Variants in PDE10A observed in about 807,000 individuals in gnomAD.
The protein encoded by PDE10A is cAMP and cAMP-inhibited cGMP 3',5'-cyclic phosphodiesterase 10A.
A neutral mutation model predicts 97.7 loss-of-function variants in PDE10A; 39 were observed. That is an observed-to-expected ratio of 0.40 (90% CI 0.31 to 0.52). The LOEUF (loss-of-function observed/expected upper bound fraction) is 0.52. Among genes scored for constraint, PDE10A ranks in the 20% least tolerant of loss-of-function variants. The pLI, the probability that PDE10A is intolerant of heterozygous loss-of-function variation, is 0.56. For missense variants in PDE10A, 731 were observed against 1,047.8 expected, an observed-to-expected ratio of 0.70 and a Z score of 4.17; for synonymous variants, 371 against 376.8, an observed-to-expected ratio of 0.98 and a Z score of 0.18.
chr6:165,429,595 C>T (rs1014729432), intron 9 of PDE10A, among the ~76,000 whole-genome samples: 6 of 151,986 alleles, frequency 3.9e-5, no homozygotes, highest in Non-Finnish European at 7.4e-5. Flanking sequence ...CTGGAGGCCA[C>T]AGAGGAAAAA....
intron 1 of PDE10A, among the ~76,000 whole-genome samples, chr6:165,727,104 A>G (rs778184558): frequency 4.6e-5 from 7 of 152,030 alleles, no homozygotes; most frequent in Non-Finnish European, 1.0e-4. Flanking sequence ...CTGGTTCCCC[A>G]CTGTGCGTTT....
chr6:165,629,116 A>C (rs1341862392), intron 1 of PDE10A, among the ~76,000 whole-genome samples: 4 of 152,182 alleles, frequency 2.6e-5, no homozygotes, highest in Admixed American at 6.5e-5. Flanking sequence ...TAAGAGTTGA[A>C]GAAAAACTTT....
At chr6:165,831,635 C>T (rs1481203068) in intron 1 of PDE10A, among the ~76,000 whole-genome samples, 4 of 151,634 alleles carry the variant, frequency 2.6e-5, no homozygotes, top group South Asian at 2.1e-4. Context: ...CAGGCGCCCG[C>T]CACCACGCCC....
chr6:165,583,988 C>A (rs1156325908), intron 1 of PDE10A, among the ~76,000 whole-genome samples: 1 of 152,152 alleles, frequency 6.6e-6, no homozygotes, highest in African/African-American at 2.4e-5. Context: ...AGACTGCCAC[C>A]CAGTCACTTT....
chr6:165,861,716 T>G (rs968200621), intron 1 of PDE10A, among the ~76,000 whole-genome samples: 2 of 151,920 alleles, frequency 1.3e-5, no homozygotes, highest in African/African-American at 4.8e-5. Context: ...AGTGACGGGT[T>G]GGCATGGGAG....
chr6:165,861,450 T>C (rs1179311056), intron 1 of PDE10A, among the ~76,000 whole-genome samples: 2 of 151,414 alleles, frequency 1.3e-5, no homozygotes, highest in East Asian at 3.9e-4. Context: ...TGCTGTCAGG[T>C]GCTGGAGGAG....
chr6:165,618,556 C>T (rs987915724), intron 1 of PDE10A, among the ~76,000 whole-genome samples: 4 of 152,110 alleles, frequency 2.6e-5, no homozygotes, highest in South Asian at 2.1e-4. Context: ...CATCCAGGAG[C>T]GGGACTTAAC....
chr6:165,577,023 T>C (rs950919633), intron 1 of PDE10A, among the ~76,000 whole-genome samples: 8 of 152,252 alleles, frequency 5.3e-5, no homozygotes, highest in Admixed American at 3.9e-4. Flanking sequence ...AGAGCTGATC[T>C]TGCCACCATC....
intron 1 of PDE10A, among the ~76,000 whole-genome samples, chr6:165,895,806 C>T (rs1330244531): frequency 1.3e-5 from 2 of 152,192 alleles, no homozygotes; most frequent in African/African-American, 4.8e-5. Context: ...TCAGTACTTT[C>T]ATTCCGGGCT....
chr6:165,542,214 T>C (rs1034690487), intron 2 of PDE10A, among the ~76,000 whole-genome samples: 8 of 152,092 alleles, frequency 5.3e-5, no homozygotes, highest in Admixed American at 2.6e-4. Context: ...AAAACACATA[T>C]AAAATTGTCA....
intron 3 of PDE10A, among the ~76,000 whole-genome samples, chr6:165,476,755 C>T (rs891281073): frequency 2.0e-5 from 3 of 152,036 alleles, no homozygotes; most frequent in Non-Finnish European, 4.4e-5. Context: ...ATGAAAAAGG[C>T]AACATTTACT....
chr6:165,563,349 AT>A (rs903115032), intron 1 of PDE10A, among the ~76,000 whole-genome samples: 55 of 152,102 alleles, frequency 3.6e-4, no homozygotes, highest in African/African-American at 1.2e-3. Context: ...AACTTAAGCA[AT>A]TTGCTTCTAA....
At chr6:165,574,679 G>A (rs78709345) in intron 1 of PDE10A, among the ~76,000 whole-genome samples, 2,036 of 152,086 alleles carry the variant, frequency 0.013, 55 homozygotes, top group African/African-American at 0.046. Context: ...TACTAGTCTC[G>A]GCTCAGACTG....
chr6:165,664,749 G>C (rs1406017804), upstream of PDE10A, among the ~76,000 whole-genome samples: 1 of 152,218 alleles, frequency 6.6e-6, no homozygotes, highest in Admixed American at 6.5e-5. Context: ...CAGGCAGCAA[G>C]GGTCTGAGGG....
intron 1 of PDE10A, among the ~76,000 whole-genome samples, chr6:165,716,237 A>G (rs1267539047): frequency 1.3e-5 from 2 of 152,240 alleles, no homozygotes; most frequent in Non-Finnish European, 2.9e-5. Flanking sequence ...TTATTGACTC[A>G]TAATTGATTT....
At chr6:165,951,654 T>TC (rs2128495138) in intron 1 of PDE10A, among the ~76,000 whole-genome samples, 1 of 152,180 alleles carries the variant, frequency 6.6e-6, no homozygotes, top group South Asian at 2.1e-4. Context: ...TAACACTGAC[T>TC]CCCCCATTTA....
intron 1 of PDE10A, among the ~76,000 whole-genome samples, chr6:165,919,717 C>A (rs916240788): frequency 6.6e-6 from 1 of 152,214 alleles, no homozygotes; most frequent in South Asian, 2.1e-4. Flanking sequence ...CCAACCCAAG[C>A]AAACCATTCT....
intron 1 of PDE10A, among the ~76,000 whole-genome samples, chr6:165,680,582 A>T (rs1335641316): frequency 6.6e-6 from 1 of 152,212 alleles, no homozygotes; most frequent in Non-Finnish European, 1.5e-5. Flanking sequence ...TGTGTAACAC[A>T]TATACACAAA....
At chr6:165,747,154 TG>T (rs1355088031) in intron 1 of PDE10A, among the ~76,000 whole-genome samples, 1 of 152,246 alleles carries the variant, frequency 6.6e-6, no homozygotes, top group Non-Finnish European at 1.5e-5. Flanking sequence ...AGAAAGTGGT[TG>T]ACACTTTTAC....
Sources: allele counts gnomAD v4.1 joint callset (sites outside exome capture counted in the v4.1 genomes callset), GRCh38; gene constraint gnomAD v4.1.1; transcripts MANE v1.5; gene names NCBI Gene and HGNC (gene_info 2026-07-23, HGNC 2026-07-21).